STK3: variants seen among roughly 807,000 people sequenced by gnomAD.
The protein encoded by STK3 is serine/threonine-protein kinase 3.
STK3 carries 41 observed loss-of-function variants against 58.0 expected under a neutral mutation model. That is an observed-to-expected ratio of 0.71 (90% CI 0.55 to 0.92). STK3 has a LOEUF of 0.92. Ranked by LOEUF, STK3 falls within the 40% of genes least tolerant of loss-of-function variation. The probability of loss-of-function intolerance (pLI) is 0.00; values close to 1 mark genes in which losing one functional copy is unlikely to be tolerated. For synonymous variants in STK3, 170 were observed against 191.0 expected (o/e 0.89, Z 0.91); for missense variants, 479 against 602.7 (o/e 0.79, Z 2.15).
At chr8:98,771,889 A>G (rs1324506940) in intron 2 of STK3, among the ~76,000 whole-genome samples, 1 of 152,066 alleles carries the variant, frequency 6.6e-6, no homozygotes, top group African/African-American at 2.4e-5. Context: ...CACCTGGCCC[A>G]TATTTATCAT....
intron 6 of STK3, among the ~76,000 whole-genome samples, chr8:98,694,514 G>A (rs999819561): frequency 2.0e-5 from 3 of 151,876 alleles, no homozygotes; most frequent in African/African-American, 4.8e-5. Context: ...CCGCACCCCA[G>A]AACAGTCCCC....
the STK3 span, among the ~76,000 whole-genome samples, chr8:98,345,165 T>C: frequency 6.6e-6 from 1 of 152,038 alleles, no homozygotes; most frequent in Non-Finnish European, 1.5e-5. Flanking sequence ...TGCAATCTAC[T>C]GAGCCTGAAG....
intron 1 of STK3, among the ~76,000 whole-genome samples, chr8:98,383,206 T>G (rs571574254): frequency 1.8e-4 from 27 of 152,356 alleles, no homozygotes; most frequent in Non-Finnish European, 7.3e-5. Context: ...TCCTGGGAGA[T>G]AGGCAATTCT....
chr8:98,587,273 G>A (rs557915523), intron 7 of STK3, among the ~76,000 whole-genome samples: 4,391 of 151,986 alleles, frequency 0.029, 89 homozygotes, highest in Non-Finnish European at 0.041. Flanking sequence ...CTTTGAATGC[G>A]TCCCAGAGAT....
At chr8:98,536,779 C>A (rs868740209) in intron 9 of STK3, among the ~76,000 whole-genome samples, 1 of 152,170 alleles carries the variant, frequency 6.6e-6, no homozygotes, top group African/African-American at 2.4e-5. Context: ...CAGTCAAATT[C>A]AGTCCTTAAC....
chr8:98,415,370 G>A (rs1818103755), intron 3 of STK3, among the ~76,000 whole-genome samples: 1 of 152,310 alleles, frequency 6.6e-6, no homozygotes, highest in Non-Finnish European at 1.5e-5. Context: ...TCATGACTGA[G>A]CCACGATACT....
At chr8:98,630,324 G>C (rs1409605994) in intron 6 of STK3, among the ~76,000 whole-genome samples, 1 of 152,170 alleles carries the variant, frequency 6.6e-6, no homozygotes, top group East Asian at 1.9e-4. Flanking sequence ...CACGTACTTA[G>C]AGAATAAAAT....
Position 98,812,907 on chromosome 8 carries a change from G to A in STK3, c.26+12608C>T, listed in dbSNP as rs543283015. Reference sequence around the variant, plus strand: ...GTTGTAGGGTGGGGGGAGTGAGGAGGGATAGCATTAGGAGATATACCTAAT... The same window carrying A: ...GTTGTAGGGTGGGGGGAGTGAGGAGAGATAGCATTAGGAGATATACCTAAT... On this transcript the variant is annotated intron_variant, in intron 1 of 10. Transcript: ENST00000419617. Among the ~76,000 whole-genome samples the A allele has an allele frequency of 3.3e-5, 5 of 152,170 alleles. No individual in the cohort carries two copies. The East Asian group carries it at 7.7e-4, about 24-fold the overall frequency.
At chr8:98,359,253 A>G in the STK3 span, among the ~76,000 whole-genome samples, 1 of 150,560 alleles carries the variant, frequency 6.6e-6, no homozygotes, top group Non-Finnish European at 1.5e-5. Flanking sequence ...CACGCCTGTA[A>G]TCCCAACATT....
chr8:98,789,629 T>C (rs1356023726), intron 1 of STK3, among the ~76,000 whole-genome samples: 3 of 152,154 alleles, frequency 2.0e-5, no homozygotes, highest in Non-Finnish European at 4.4e-5. Context: ...ATGAACCCCT[T>C]TATGTGCATA....
intron 10 of STK3, among the ~76,000 whole-genome samples, chr8:98,495,509 T>A (rs1294490708): frequency 6.6e-6 from 1 of 152,198 alleles, no homozygotes. Context: ...GATAATGACC[T>A]TGTATTTTGT....
At chr8:98,419,015 C>CGGCAT (rs1554587861) in intron 3 of STK3, among the ~76,000 whole-genome samples, 1 of 152,220 alleles carries the variant, frequency 6.6e-6, no homozygotes, top group Non-Finnish European at 1.5e-5. Flanking sequence ...CTGCCACCAA[C>CGGCAT]GGCATGTATG....
intron 7 of STK3, among the ~76,000 whole-genome samples, chr8:98,593,427 C>T (rs547597666): frequency 6.6e-6 from 1 of 152,274 alleles, no homozygotes; most frequent in Non-Finnish European, 1.5e-5. Flanking sequence ...AGATTGTCCA[C>T]TGAGAGTTAA....
intron 8 of STK3, among the ~76,000 whole-genome samples, chr8:98,553,776 C>A (rs1204090236): frequency 6.6e-6 from 1 of 152,000 alleles, no homozygotes; most frequent in Non-Finnish European, 1.5e-5. Flanking sequence ...CCAGCCTGGC[C>A]AACATAGTGA....
intron 6 of STK3, among the ~76,000 whole-genome samples, chr8:98,684,620 C>A (rs1400685782): frequency 6.6e-6 from 1 of 152,148 alleles, no homozygotes; most frequent in Non-Finnish European, 1.5e-5. Flanking sequence ...AAAAAGAACT[C>A]TGTGAAGTAG....
chr8:98,750,669 A>G (rs1829917649), intron 3 of STK3, among the ~76,000 whole-genome samples: 2 of 152,138 alleles, frequency 1.3e-5, no homozygotes, highest in South Asian at 4.1e-4. Context: ...ATTCTAGCAG[A>G]TGTACAAAGA....
intron 10 of STK3, among the ~76,000 whole-genome samples, chr8:98,465,045 A>C (rs1309842147): frequency 6.6e-6 from 1 of 152,200 alleles, no homozygotes; most frequent in Non-Finnish European, 1.5e-5. Flanking sequence ...GAAAAGGAAG[A>C]ATACGGTTTC....
chr8:98,698,286 C>T (rs557017345), intron 6 of STK3, among the ~76,000 whole-genome samples: 1 of 151,596 alleles, frequency 6.6e-6, no homozygotes, highest in Admixed American at 6.6e-5. Context: ...TTCCTGAATA[C>T]AGCACACTGA....
the STK3 span, among the ~76,000 whole-genome samples, chr8:98,359,420 G>A: frequency 6.6e-6 from 1 of 150,438 alleles, no homozygotes; most frequent in African/African-American, 2.4e-5. Flanking sequence ...CTACTTGGGA[G>A]GCTGAGGCGG....
Sources: allele counts gnomAD v4.1 joint callset (sites outside exome capture counted in the v4.1 genomes callset), GRCh38; gene constraint gnomAD v4.1.1; transcripts MANE v1.5; gene names NCBI Gene and HGNC (gene_info 2026-07-23, HGNC 2026-07-21).